MTCL1: variants seen among roughly 807,000 people sequenced by gnomAD.
MTCL1 encodes microtubule cross-linking factor 1.
A neutral mutation model predicts 141.4 loss-of-function variants in MTCL1; 79 were observed. The ratio of observed to expected loss-of-function variants is 0.56; its 90% CI spans 0.47 to 0.67. The LOEUF is 0.67. MTCL1 is among the 30% of genes least tolerant of loss of function. The pLI is 0.00. For missense variants in MTCL1, 2,177 were observed against 2,113.9 expected, an observed-to-expected ratio of 1.03 and a Z score of -0.59; for synonymous variants, 914 against 875.8, an observed-to-expected ratio of 1.04 and a Z score of -0.77.
chr18:8,742,046 A>AAT (rs1460604895), intron 4 of MTCL1, among the ~76,000 whole-genome samples: 1 of 151,932 alleles, frequency 6.6e-6, no homozygotes, highest in Admixed American at 6.6e-5. Flanking sequence ...GGGCAAAAAA[A>AAT]AAAAGCACTG....
intron 7 of MTCL1, among the ~76,000 whole-genome samples, chr18:8,788,837 C>T (rs1053109903): frequency 1.3e-5 from 2 of 152,184 alleles, no homozygotes; most frequent in African/African-American, 4.8e-5. Flanking sequence ...AAATGAACTG[C>T]TAAAAAAACA....
At chr18:8,825,630 A>G (rs756768993) in exon 15 of MTCL1, 1 of 1,613,852 alleles carries the variant, frequency 6.2e-7, no homozygotes, top group Non-Finnish European at 8.5e-7. Context: ...GGCCCCTGCC[A>G]TCGAGAAGGT....
intron 4 of MTCL1, among the ~76,000 whole-genome samples, chr18:8,741,481 G>T (rs908123213): frequency 1.3e-5 from 2 of 152,190 alleles, no homozygotes; most frequent in African/African-American, 4.8e-5. Flanking sequence ...GGAACTGGCT[G>T]CTTTTCCAGG....
At chr18:8,729,664 A>T (rs2096240002) in intron 4 of MTCL1, among the ~76,000 whole-genome samples, 1 of 90,138 alleles carries the variant, frequency 1.1e-5, no homozygotes, top group African/African-American at 4.8e-5. Flanking sequence ...TTGGCTTCCC[A>T]AGAAGACAAA....
intron 3 of MTCL1, among the ~76,000 whole-genome samples, chr18:8,719,830 A>G (rs2096156287): frequency 6.6e-6 from 1 of 152,150 alleles, no homozygotes; most frequent in Non-Finnish European, 1.5e-5. Flanking sequence ...TTTGCCTCCC[A>G]AAGTGCTGGG....
chr18:8,713,681 T>C (rs1270642054), upstream of MTCL1, among the ~76,000 whole-genome samples: 1 of 152,256 alleles, frequency 6.6e-6, no homozygotes, highest in Non-Finnish European at 1.5e-5. Flanking sequence ...TTCTAGGCTC[T>C]CTGGGAAGAG....
At position 8,821,456 on chromosome 18, in the gene MTCL1, C is replaced by A. The variant is rs773928398; in HGVS notation, c.3157-11C>A. On this transcript the variant is annotated splice_polypyrimidine_tract_variant and intron_variant, in intron 13 of 16. Coordinates refer to ENST00000359865, the Ensembl canonical transcript of MTCL1. ...TTAACCGATTCAGATGAAGTTATTTCTTCTTTATAGGAAGAAGAAAATCAC... is the reference window on the plus strand; with the variant it reads ...TTAACCGATTCAGATGAAGTTATTTATTCTTTATAGGAAGAAGAAAATCAC... 2.1e-6 allele frequency: 3 copies of A among 1,445,164 alleles called. No homozygotes were observed. The highest frequency in any genetic ancestry group is 2.9e-6 in the Non-Finnish European group (3 of 1,037,822). 89.5% of individuals were successfully genotyped at this position (1,445,164 alleles called of 1,614,324 possible).
chr18:8,769,223 AT>A (rs2096474213), intron 4 of MTCL1, among the ~76,000 whole-genome samples: 1 of 152,194 alleles, frequency 6.6e-6, no homozygotes, highest in Non-Finnish European at 1.5e-5. Flanking sequence ...CAAATGTAGG[AT>A]TCTGATTCCA....
chr18:8,716,914 G>GAA (rs2096131920), upstream of MTCL1, among the ~76,000 whole-genome samples: 2 of 152,112 alleles, frequency 1.3e-5, no homozygotes, highest in African/African-American at 4.8e-5. Context: ...TAAATCTTGT[G>GAA]TAACCCTTCA....
At chr18:8,714,848 G>C (rs573393724), upstream of MTCL1, among the ~76,000 whole-genome samples, 193 of 152,028 alleles carry the variant, frequency 1.3e-3, no homozygotes, top group Middle Eastern at 6.8e-3. Context: ...CCAGGCTGGA[G>C]TGCAGTGGCG....
At position 8,825,903 on chromosome 18, in the gene MTCL1, C is replaced by T. The variant is rs61753867; in HGVS notation, c.4393C>T (p.Arg1465Trp). 1.8e-4 allele frequency: 291 copies of T among 1,611,774 alleles called. 1 individual carries two copies. The highest frequency in any genetic ancestry group is 1.6e-4 in the Middle Eastern group (1 of 6,080). The change falls in exon 15 of 17, where the codon CGG (arginine) becomes TGG (tryptophan). Residue 1465 changes from arginine to tryptophan, a missense_variant. Coordinates refer to ENST00000359865, the Ensembl canonical transcript of MTCL1. ...GCAGGACCCCTTCCAGAAGGGGCTG[C>T]GGGCCGGCAGTCGGTCTCGCTCAGC...
At chr18:8,820,673 A>G (rs962180517) in intron 13 of MTCL1, among the ~76,000 whole-genome samples, 2 of 152,188 alleles carry the variant, frequency 1.3e-5, no homozygotes, top group Admixed American at 1.3e-4. Context: ...TACATAGTAG[A>G]GGTAACGTGG....
At chr18:8,796,132 A>C (rs2075909437) in intron 8 of MTCL1, 100 bp from the exon 8 acceptor site, 2 of 1,163,064 alleles carry the variant, frequency 1.7e-6, no homozygotes, top group Non-Finnish European at 2.5e-6. Context: ...CATATGCAGC[A>C]TGACAGAGAC....
rs574590887 is a variant in MTCL1 at position 8,797,613 on chromosome 18, A to G, written c.2242-484A>G. Among the ~76,000 whole-genome samples, 32 of 152,352 alleles carry G rather than the reference A, an allele frequency of 2.1e-4. No homozygotes were observed. The South Asian group carries it at 6.6e-3, about 32-fold the overall frequency. ...AGACCTTTTGTCTGGTTTTCACTCT[A>G]GGGAACAGTGTATGTAATTTTAAGT... On this transcript the variant is annotated intron_variant, in intron 9 of 16. Coordinates refer to ENST00000359865, the Ensembl canonical transcript of MTCL1.
At chr18:8,799,578 T>C (rs550553464) in intron 10 of MTCL1, among the ~76,000 whole-genome samples, 1 of 152,352 alleles carries the variant, frequency 6.6e-6, no homozygotes, top group Admixed American at 6.5e-5. Context: ...ACTTTGCAAA[T>C]AATGCTTTAC....
chr18:8,825,825 A>G (rs1372930399), exon 15 of MTCL1: 3 of 1,614,202 alleles, frequency 1.9e-6, no homozygotes, highest in Non-Finnish European at 2.5e-6. Context: ...GCACACCACC[A>G]TTAATGATGG....
At chr18:8,769,929 ATAT>A (rs1161434464) in intron 4 of MTCL1, among the ~76,000 whole-genome samples, 1 of 152,252 alleles carries the variant, frequency 6.6e-6, no homozygotes, top group African/African-American at 2.4e-5. Context: ...GTGCCAACAA[ATAT>A]TATTTCATAG....
intron 4 of MTCL1, among the ~76,000 whole-genome samples, chr18:8,728,770 G>A (rs541260335): frequency 1.1e-4 from 5 of 45,252 alleles, no homozygotes; most frequent in African/African-American, 1.6e-4. Flanking sequence ...TCGCTCTGTC[G>A]CCCAGGCTGG....
At chr18:8,714,925 T>C (rs2096118375), upstream of MTCL1, among the ~76,000 whole-genome samples, 2 of 151,964 alleles carry the variant, frequency 1.3e-5, no homozygotes, top group Non-Finnish European at 2.9e-5. Context: ...GCCTCCCGAG[T>C]AGCTGGGACT....
Sources: allele counts gnomAD v4.1 joint callset (sites outside exome capture counted in the v4.1 genomes callset), GRCh38; gene constraint gnomAD v4.1.1; transcripts MANE v1.5; gene names NCBI Gene and HGNC (gene_info 2026-07-23, HGNC 2026-07-21).